DMGDH: variants seen among roughly 807,000 people sequenced by gnomAD.
DMGDH encodes the protein dimethylglycine dehydrogenase, mitochondrial.
Under a neutral mutation model 95.2 loss-of-function variants are expected in DMGDH, and 76 were observed. That is an observed-to-expected ratio of 0.80 (90% CI 0.66 to 0.97). DMGDH has a LOEUF of 0.97. Among genes scored for constraint, DMGDH ranks in the 50% least tolerant of loss-of-function variants. The pLI is 0.00. For synonymous variants in DMGDH, 345 were observed against 377.6 expected, an observed-to-expected ratio of 0.91 and a Z score of 1.00; for missense variants, 987 against 1,055.0, an observed-to-expected ratio of 0.94 and a Z score of 0.89.
At chr5:79,014,879 CA>C (rs59984527) in intron 14 of DMGDH, among the ~76,000 whole-genome samples, 48,231 of 151,932 alleles carry the variant, frequency 0.32, 8,159 homozygotes, top group African/African-American at 0.43. Flanking sequence ...TGATCAGACA[CA>C]GGGGTGAGGC....
intron 2 of DMGDH, among the ~76,000 whole-genome samples, chr5:79,062,696 A>G (rs964293514): frequency 1.3e-5 from 2 of 152,120 alleles, no homozygotes; most frequent in African/African-American, 4.8e-5. Flanking sequence ...AGAATGCAAG[A>G]CTGACTTGGC....
intron 12 of DMGDH, among the ~76,000 whole-genome samples, chr5:79,028,018 T>G (rs1262777199): frequency 6.6e-6 from 1 of 152,064 alleles, no homozygotes; most frequent in African/African-American, 2.4e-5. Flanking sequence ...TTTTGTATTT[T>G]CAGTAGAAAC....
intron 14 of DMGDH, among the ~76,000 whole-genome samples, chr5:79,011,498 T>TG (rs1337962701): frequency 6.6e-6 from 1 of 152,226 alleles, no homozygotes; most frequent in Non-Finnish European, 1.5e-5. Context: ...TGGTTATTAT[T>TG]GGCTAGAAAA....
chr5:79,018,642 G>A (rs1164558116), intron 14 of DMGDH, among the ~76,000 whole-genome samples: 3 of 151,980 alleles, frequency 2.0e-5, no homozygotes, highest in Admixed American at 6.5e-5. Flanking sequence ...TTATCAAATT[G>A]CTTACTTTAA....
chr5:79,064,934 G>C (rs1272128924), intron 1 of DMGDH, among the ~76,000 whole-genome samples: 8 of 152,124 alleles, frequency 5.3e-5, no homozygotes, highest in Non-Finnish European at 7.3e-5. Flanking sequence ...GTTTTTGGTA[G>C]AGATGAGGTT....
At chr5:79,059,059 A>G (rs1755116433) in intron 2 of DMGDH, among the ~76,000 whole-genome samples, 5 of 152,258 alleles carry the variant, frequency 3.3e-5, no homozygotes, top group Admixed American at 3.3e-4. Context: ...CTTTCCTTAC[A>G]TGTGATATGT....
Position 79,063,628 on chromosome 5 carries a change from T to G in DMGDH, c.261A>C (p.Gly87=). 2 of 1,614,222 alleles carry G rather than the reference T, an allele frequency of 1.2e-6. No individual in the cohort carries two copies. The highest frequency in any genetic ancestry group is 1.7e-6 in the Non-Finnish European group (2 of 1,180,038). Residue 87 remains glycine (G), a synonymous_variant, in exon 2 of 16, where the codon GGA becomes GGC. Transcript: ENST00000255189. ...VLLEKSELTA[G]STWHAAGLTT... ...CTTTTCTTACTGCGTGCCAGGTAGA[T>G]CCAGCCGTGAGCTCTGATTTCTCCA...
intron 2 of DMGDH, among the ~76,000 whole-genome samples, chr5:79,058,995 T>C (rs958094701): frequency 2.6e-5 from 4 of 152,242 alleles, no homozygotes; most frequent in East Asian, 1.9e-4. Context: ...CTTTCACTCA[T>C]ACATTTACAC....
chr5:79,025,432 T>C (rs1753972817), intron 13 of DMGDH, among the ~76,000 whole-genome samples: 1 of 152,122 alleles, frequency 6.6e-6, no homozygotes, highest in South Asian at 2.1e-4. Flanking sequence ...GCTTGCCCAC[T>C]TGCTTCTGCG....
At chr5:79,041,237 C>T (rs1053164108) in intron 7 of DMGDH, among the ~76,000 whole-genome samples, 2 of 152,246 alleles carry the variant, frequency 1.3e-5, no homozygotes, top group African/African-American at 2.4e-5. Flanking sequence ...TCAGGCAGCC[C>T]TCCAGCTCCA....
At chr5:79,064,142 C>T (rs1183022346) in intron 1 of DMGDH, among the ~76,000 whole-genome samples, 1 of 152,154 alleles carries the variant, frequency 6.6e-6, no homozygotes, top group East Asian at 1.9e-4. Flanking sequence ...TGCTTGAGCC[C>T]AGGAGTTCAA....
At chr5:79,004,748 C>T (rs777749050) in intron 15 of DMGDH, among the ~76,000 whole-genome samples, 21 of 152,142 alleles carry the variant, frequency 1.4e-4, no homozygotes, top group Non-Finnish European at 2.6e-4. Flanking sequence ...AAGTAACATT[C>T]CAAAATGAGA....
At chr5:79,062,517 A>G (rs887899207) in intron 2 of DMGDH, among the ~76,000 whole-genome samples, 3 of 151,790 alleles carry the variant, frequency 2.0e-5, no homozygotes, top group African/African-American at 7.3e-5. Flanking sequence ...TGCCCAAAAG[A>G]AAACTGCACC....
At chr5:79,002,168 A>T (rs867013055) in intron 15 of DMGDH, among the ~76,000 whole-genome samples, 1 of 152,334 alleles carries the variant, frequency 6.6e-6, no homozygotes. Context: ...AAGGAAGTTA[A>T]CATAATTTAA....
At chr5:79,050,283 TA>T (rs2112657841) in intron 5 of DMGDH, among the ~76,000 whole-genome samples, 1 of 48,320 alleles carries the variant, frequency 2.1e-5, no homozygotes, top group Non-Finnish European at 5.0e-5. Flanking sequence ...AATATATATA[TA>T]TATATATATA....
At chr5:79,029,835 G>T (rs1010650749) in intron 11 of DMGDH, 69 bp downstream of exon 11, 2 of 1,528,030 alleles carry the variant, frequency 1.3e-6, no homozygotes, top group African/African-American at 1.4e-5. Flanking sequence ...CTGGTAAAAA[G>T]AAAAACTTAA....
intron 2 of DMGDH, 107 bp downstream of exon 2, chr5:79,063,506 G>A (rs1393062782): frequency 3.8e-6 from 5 of 1,308,252 alleles, no homozygotes; most frequent in Non-Finnish European, 5.5e-6. Context: ...GCTATTGAAG[G>A]GGAACGCACT....
intron 14 of DMGDH, among the ~76,000 whole-genome samples, chr5:79,010,850 C>T (rs1187320444): frequency 6.6e-6 from 1 of 152,094 alleles, no homozygotes; most frequent in Non-Finnish European, 1.5e-5. Flanking sequence ...GGAAGGGCTG[C>T]AGAGACTGTG....
chr5:79,019,472 T>A (rs932647894), intron 14 of DMGDH, among the ~76,000 whole-genome samples: 30 of 149,722 alleles, frequency 2.0e-4, no homozygotes, highest in African/African-American at 6.9e-4. Context: ...AAAAAAAAAA[T>A]CACCTGTGGA....
Sources: allele counts gnomAD v4.1 joint callset (sites outside exome capture counted in the v4.1 genomes callset), GRCh38; gene constraint gnomAD v4.1.1; transcripts MANE v1.5; gene names NCBI Gene and HGNC (gene_info 2026-07-23, HGNC 2026-07-21).